MSH6: variants seen among roughly 807,000 people sequenced by gnomAD.
MSH6 encodes the protein DNA mismatch repair protein Msh6.
Under a neutral mutation model 119.1 loss-of-function variants are expected in MSH6, and 85 were observed. The observed-to-expected ratio is 0.71, with a 90% CI of 0.60 to 0.85. The LOEUF (loss-of-function observed/expected upper bound fraction) is 0.85, where lower values mean the gene tolerates loss of function less well. Ranked by LOEUF, MSH6 falls within the 40% of genes least tolerant of loss-of-function variation. The pLI, the probability that MSH6 is intolerant of heterozygous loss-of-function variation, is 0.00. For missense variants in MSH6, 2,163 were observed against 1,655.3 expected, an observed-to-expected ratio of 1.31 and a Z score of -5.32; for synonymous variants, 830 against 586.9, an observed-to-expected ratio of 1.41 and a Z score of -5.99.
At chr2:47,807,081 C>A (rs1463512522), downstream of MSH6, 3 of 537,840 alleles carry the variant, frequency 5.6e-6, no homozygotes, top group Non-Finnish European at 9.8e-6. Flanking sequence ...CACTTTCAGG[C>A]TGTTTTATAC....
intron 5 of MSH6, among the ~76,000 whole-genome samples, chr2:47,804,356 G>C (rs1026856262): frequency 6.6e-6 from 1 of 152,142 alleles, no homozygotes; most frequent in Non-Finnish European, 1.5e-5. Flanking sequence ...AACTTGTAAA[G>C]TTTTTTATAT....
rs913476302 is a variant in MSH6, at chr2:47,783,167, G to C, written c.-67G>C. On this transcript the variant is annotated 5_prime_UTR_variant, in exon 1 of 10. Coordinates refer to ENST00000234420, the MANE Select transcript of MSH6 (RefSeq NM_000179.3). Reference sequence around the variant, plus strand: ...CCCAGATTTCCCGCCAGCAGGAGCCGCGCGGTAGATGCGGTGCTTTTAGGA... The same window carrying C: ...CCCAGATTTCCCGCCAGCAGGAGCCCCGCGGTAGATGCGGTGCTTTTAGGA... 1 of 1,593,368 alleles carries C rather than the reference G, an allele frequency of 6.3e-7. No homozygotes were observed. Among genetic ancestry groups the C allele is most frequent in the Admixed American group, 1.7e-5 (1 of 58,402 alleles).
intron 2 of MSH6, among the ~76,000 whole-genome samples, chr2:47,792,846 GTTTTTTTTT>G (rs11335797): frequency 1.7e-5 from 2 of 114,428 alleles, no homozygotes; most frequent in African/African-American, 6.5e-5. Flanking sequence ...TTTTTATATA[GTTTTTTTTT>G]TTTTTTTTTT....
intron 2 of MSH6, among the ~76,000 whole-genome samples, chr2:47,792,847 T>TG (rs1668828863): frequency 3.0e-5 from 1 of 33,786 alleles, no homozygotes; most frequent in Non-Finnish European, 5.5e-5. Context: ...TTTTATATAG[T>TG]TTTTTTTTTT....
At chr2:47,796,085 G>A (rs1394028785) in intron 3 of MSH6, 22 bp downstream of exon 3, 4 of 1,612,846 alleles carry the variant, frequency 2.5e-6, no homozygotes, top group Non-Finnish European at 2.5e-6. Context: ...CAAGCATTCA[G>A]TTGTTATTTA....
chr2:47,798,566 T>C, intron 3 of MSH6, 45 bp from the exon 4 acceptor site: 1 of 1,597,618 alleles, frequency 6.3e-7, no homozygotes, highest in Non-Finnish European at 8.5e-7. Context: ...ATTATGGTTT[T>C]CCAAATTTTG....
In MSH6 at chr2:47,801,094, C is replaced by A. The variant is rs587781673; in HGVS notation, c.3111C>A (p.Phe1037Leu). 1.9e-6 allele frequency: 3 copies of A among 1,612,660 alleles called. No individual in the cohort carries two copies. Among genetic ancestry groups the A allele is most frequent in the African/African-American group, 2.7e-5 (2 of 74,868 alleles). ...TGAAGGACTGCATGCGGCGACTGTT[C>A]TATAACTTTGATAAAAATTACAAGG... ...VSLKDCMRRL[F>L]YNFDKNYKDW... The change falls in exon 4 of 10, where the codon TTC becomes TTA. Residue 1037 changes from phenylalanine to leucine, a missense_variant. Coordinates refer to ENST00000234420, the MANE Select transcript of MSH6 (RefSeq NM_000179.3).
At chr2:47,787,428 G>A (rs964905990) in intron 1 of MSH6, among the ~76,000 whole-genome samples, 5 of 152,170 alleles carry the variant, frequency 3.3e-5, no homozygotes, top group South Asian at 2.1e-4. Flanking sequence ...TCTGTTTAGC[G>A]TATGTTTAGA....
chr2:47,809,444 C>A, downstream of MSH6: 1 of 693,880 alleles, frequency 1.4e-6, no homozygotes, highest in Non-Finnish European at 2.4e-6. Flanking sequence ...ATAAGATACT[C>A]CAACCATTTA....
chr2:47,800,802 C>T lies in MSH6; in HGVS notation c.2819C>T (p.Ala940Val), dbSNP rs2104425670. The T allele has an allele frequency of 1.2e-6, 2 of 1,614,108 alleles. No homozygotes were observed. Among genetic ancestry groups the T allele is most frequent in the South Asian group, 1.1e-5 (1 of 91,086 alleles). Residue 940 changes from alanine (A) to valine (V), a missense_variant, in exon 4 of 10, where the codon GCT (alanine) becomes GTT (valine). By Grantham distance (64) the Ala-to-Val change is moderately conservative (BLOSUM62 0). Coordinates refer to ENST00000234420, the MANE Select transcript of MSH6 (RefSeq NM_000179.3). ...GGCTTTGACTCTGATTATGACCAAG[C>T]TCTTGCTGACATAAGAGAAAATGAA... Reference protein sequence around the residue: ...KAGFDSDYDQALADIRENEQS... With the variant: ...KAGFDSDYDQVLADIRENEQS...
At chr2:47,802,444 C>A (rs988511283) in intron 4 of MSH6, among the ~76,000 whole-genome samples, 1 of 152,084 alleles carries the variant, frequency 6.6e-6, no homozygotes, top group Non-Finnish European at 1.5e-5. Context: ...GATTCTCCTT[C>A]CTCAGCCTCC....
chr2:47,801,372 T>TG (rs1434078616), intron 4 of MSH6: 4 of 473,576 alleles, frequency 8.4e-6, no homozygotes, highest in African/African-American at 6.9e-5. Flanking sequence ...TTTTTTTTTT[T>TG]TTTTTTTTTT....
intron 5 of MSH6, 137 bp from the exon 6 acceptor site, chr2:47,804,773 G>T: frequency 1.3e-6 from 1 of 747,928 alleles, no homozygotes; most frequent in East Asian, 2.5e-5. Context: ...ATGGATTTCA[G>T]AACAGAACCA....
At position 47,791,680 on chromosome 2, in the gene MSH6, T is replaced by C. The variant is rs574428704; in HGVS notation, c.457+557T>C. Among the ~76,000 whole-genome samples, 28 of 149,928 alleles carry C rather than the reference T, an allele frequency of 1.9e-4. No individual in the cohort carries two copies. In the South Asian group the frequency reaches 5.3e-3, roughly 28 times the overall value. On this transcript the variant is annotated intron_variant, in intron 2 of 9. Transcript: ENST00000234420. ...TGTACAAGTTCTCTTTCTTTCTTTT[T>C]TTTTTTTTTTTTTCTGGAGACAGAG...
chr2:47,806,751 C>CAACT, intron 9 of MSH6, 28 bp from the exon 10 acceptor site: 1 of 1,444,230 alleles, frequency 6.9e-7, no homozygotes, highest in African/African-American at 1.5e-5. Flanking sequence ...AACAAAAAAA[C>CAACT]TTTTTTTTTT....
intron 5 of MSH6, among the ~76,000 whole-genome samples, chr2:47,804,667 G>A (rs1167536475): frequency 1.4e-4 from 21 of 152,176 alleles, no homozygotes; most frequent in Non-Finnish European, 5.9e-5. Context: ...GAATCACTAG[G>A]GTAGTGGGTT....
chr2:47,794,599 T>G (rs1304072141), intron 2 of MSH6, among the ~76,000 whole-genome samples: 1 of 151,836 alleles, frequency 6.6e-6, no homozygotes, highest in South Asian at 2.1e-4. Context: ...TGGAACGAAC[T>G]GTTTTGAGAA....
chr2:47,794,857 C>T (rs1394367051), intron 2 of MSH6, among the ~76,000 whole-genome samples: 2 of 151,980 alleles, frequency 1.3e-5, no homozygotes, highest in East Asian at 1.9e-4. Flanking sequence ...TGCAGTGGTG[C>T]GATCTTGGCT....
rs1467103778 is a variant in MSH6 at position 47,806,660 on chromosome 2, C to T, written c.4001+9C>T. 3 of 1,603,684 alleles carry T rather than the reference C, an allele frequency of 1.9e-6. No homozygotes were observed. Among genetic ancestry groups the T allele is most frequent in the Non-Finnish European group, 2.6e-6 (3 of 1,175,698 alleles). On this transcript the variant is annotated intron_variant, in intron 9 of 9. Transcript: ENST00000234420. ...TCACTACGATTATTTCGGTAACTAA[C>T]TAACTATAATGGAATTATAACTAAC...
Sources: gnomAD v4.1 joint callset for allele counts (sites outside exome capture counted in the v4.1 genomes callset) on GRCh38, gnomAD v4.1.1 for gene constraint, MANE v1.5 for transcripts, NCBI Gene and HGNC (gene_info 2026-07-23, HGNC 2026-07-21) for gene names.